KCNK10: variants seen among roughly 807,000 people sequenced by gnomAD.
KCNK10 encodes potassium channel subfamily K member 10.
KCNK10 carries 25 observed loss-of-function variants against 47.7 expected under a neutral mutation model. That is an observed-to-expected ratio of 0.52 (90% confidence interval 0.38 to 0.73). KCNK10 has a LOEUF of 0.73. Ranked by LOEUF, KCNK10 falls within the 30% of genes least tolerant of loss-of-function variation. KCNK10 has a pLI of 0.00. For missense variants in KCNK10, 563 were observed against 714.5 expected, an observed-to-expected ratio of 0.79 and a Z score of 2.42; for synonymous variants, 303 against 285.6, an observed-to-expected ratio of 1.06 and a Z score of -0.61.
At chr14:88,205,194 C>T (rs1043120337) in intron 4 of KCNK10, among the ~76,000 whole-genome samples, 6 of 152,166 alleles carry the variant, frequency 3.9e-5, no homozygotes, top group Admixed American at 3.9e-4. Context: ...ATTTAGCATT[C>T]CTCTACATCT....
At chr14:88,299,607 C>G (rs1184882707) in intron 1 of KCNK10, among the ~76,000 whole-genome samples, 1 of 152,116 alleles carries the variant, frequency 6.6e-6, no homozygotes, top group East Asian at 1.9e-4. Context: ...TTAGGTAACA[C>G]ACATATGCAA....
At chr14:88,326,085 C>G (rs1420467598), upstream of KCNK10, among the ~76,000 whole-genome samples, 1 of 148,574 alleles carries the variant, frequency 6.7e-6, no homozygotes, top group Non-Finnish European at 1.5e-5. Context: ...TGGATGCCGC[C>G]CCCTCCTTTC....
rs950954860 is a variant in KCNK10, at chr14:88,181,635, C to T, written c.*3900G>A. 4 of 152,392 alleles carry T rather than the reference C, an allele frequency of 2.6e-5. No individual in the cohort carries two copies. The highest frequency in any genetic ancestry group is 6.5e-5 in the Admixed American group (1 of 15,294). 9.4% of individuals were successfully genotyped at this position (152,392 alleles called of 1,614,324 possible). On this transcript the variant is annotated 3_prime_UTR_variant, in exon 7 of 7. Coordinates refer to ENST00000319231, the MANE Select transcript of KCNK10 (RefSeq NM_138317.3). ...TAAGGGAGGATAGAGAGAGCCTACACAGGGCATGATCCGAATTTGGACACC... is the reference window on the plus strand; with the variant it reads ...TAAGGGAGGATAGAGAGAGCCTACATAGGGCATGATCCGAATTTGGACACC...
chr14:88,323,927 G>A (rs548497133), upstream of KCNK10, among the ~76,000 whole-genome samples: 1 of 152,304 alleles, frequency 6.6e-6, no homozygotes, highest in East Asian at 1.9e-4. Context: ...GGAGGCCCGT[G>A]CCAGCCATGA....
intron 2 of KCNK10, 54 bp downstream of exon 2, chr14:88,263,148 A>C: frequency 7.0e-7 from 1 of 1,435,150 alleles, no homozygotes; most frequent in Non-Finnish European, 9.6e-7. Flanking sequence ...AGATAAAACC[A>C]ACACTGCCAT....
At chr14:88,222,187 G>A (rs563673628) in intron 4 of KCNK10, among the ~76,000 whole-genome samples, 18 of 152,252 alleles carry the variant, frequency 1.2e-4, no homozygotes, top group Admixed American at 5.9e-4. Context: ...ATCAAATCTC[G>A]TGAGGCTTAT....
chr14:88,193,804 G>A lies in KCNK10; in HGVS notation c.682-1394C>T, dbSNP rs574272431. Among the ~76,000 whole-genome samples the A allele has an allele frequency of 6.6e-5, 10 of 152,266 alleles. No homozygotes were observed. The East Asian group carries it at 7.7e-4, about 12-fold the overall frequency. ...AATTCTCAGTCCAGTGCTTAACAAC[G>A]GAAACAGCTTTTCAAGTAATTCAAC... On this transcript the variant is annotated intron_variant, in intron 4 of 6. Transcript: ENST00000319231.
intron 1 of KCNK10, among the ~76,000 whole-genome samples, chr14:88,293,228 C>A (rs1887916453): frequency 6.6e-6 from 1 of 152,130 alleles, no homozygotes. Context: ...ATAGCCACCC[C>A]TTCTCATTAT....
chr14:88,243,888 T>G (rs374651556), intron 2 of KCNK10, among the ~76,000 whole-genome samples: 1 of 151,288 alleles, frequency 6.6e-6, no homozygotes, highest in Non-Finnish European at 1.5e-5. Context: ...GGGTTCTATC[T>G]GTGACGTCAA....
At chr14:88,208,612 T>C (rs1370185818) in intron 4 of KCNK10, among the ~76,000 whole-genome samples, 1 of 152,244 alleles carries the variant, frequency 6.6e-6, no homozygotes, top group Admixed American at 6.5e-5. Flanking sequence ...TTTTAAATGT[T>C]GATACTTGCT....
rs1884485692 is a variant in KCNK10, at chr14:88,184,810, C to T, written c.*725G>A. Reference sequence around the variant, plus strand: ...ACCACTGCTCGCCAGTTCATGTGGACTACCTACCCCTGTGAGAAAGACCAA... The same window carrying T: ...ACCACTGCTCGCCAGTTCATGTGGATTACCTACCCCTGTGAGAAAGACCAA... On this transcript the variant is annotated 3_prime_UTR_variant, in exon 7 of 7. Coordinates refer to ENST00000319231, the MANE Select transcript of KCNK10 (RefSeq NM_138317.3). 1 of 152,358 alleles carries T rather than the reference C, an allele frequency of 6.6e-6. No homozygotes were observed. Among genetic ancestry groups the T allele is most frequent in the Admixed American group, 6.5e-5 (1 of 15,284 alleles). The allele number at this position is 152,358 out of a possible 1,614,324, so 9.4% of individuals were successfully genotyped here.
intron 4 of KCNK10, among the ~76,000 whole-genome samples, chr14:88,221,270 C>A (rs571827027): frequency 5.8e-4 from 87 of 149,408 alleles, no homozygotes; most frequent in African/African-American, 2.1e-3. Context: ...CCACTGCACT[C>A]CAGCCTGGGT....
chr14:88,318,633 G>A (rs143864090), intron 1 of KCNK10, among the ~76,000 whole-genome samples: 1 of 152,294 alleles, frequency 6.6e-6, no homozygotes, highest in East Asian at 1.9e-4. Context: ...AAGCGCAAAG[G>A]CCCTCAGACA....
chr14:88,283,457 T>A (rs1887695835), intron 1 of KCNK10, among the ~76,000 whole-genome samples: 1 of 152,204 alleles, frequency 6.6e-6, no homozygotes, highest in Non-Finnish European at 1.5e-5. Flanking sequence ...GAAGTTAGAA[T>A]AATGATACCG....
upstream of KCNK10, chr14:88,326,532 G>A: frequency 8.7e-7 from 1 of 1,151,764 alleles, no homozygotes; most frequent in East Asian, 2.4e-5. Flanking sequence ...CTTCAGGCGG[G>A]TTAAGTCTGG....
chr14:88,308,568 G>A (rs74069543), intron 1 of KCNK10, among the ~76,000 whole-genome samples: 17 of 152,334 alleles, frequency 1.1e-4, no homozygotes, highest in Middle Eastern at 3.4e-3. Context: ...GTGTGTGCAC[G>A]CGTGCACACG....
At chr14:88,294,508 C>G (rs932684951) in intron 1 of KCNK10, among the ~76,000 whole-genome samples, 3 of 152,226 alleles carry the variant, frequency 2.0e-5, no homozygotes, top group African/African-American at 7.2e-5. Context: ...CAACAATTCT[C>G]TTTTGGGCTG....
intron 3 of KCNK10, among the ~76,000 whole-genome samples, chr14:88,237,608 C>G (rs1886333904): frequency 6.6e-6 from 1 of 152,176 alleles, no homozygotes; most frequent in South Asian, 2.1e-4. Flanking sequence ...TATTAGCAAG[C>G]ATGAAAACAA....
intron 2 of KCNK10, among the ~76,000 whole-genome samples, chr14:88,257,047 G>A (rs1886977019): frequency 6.6e-6 from 1 of 152,192 alleles, no homozygotes; most frequent in South Asian, 2.1e-4. Flanking sequence ...GGGATATGCA[G>A]CACATAGCAG....
Sources: gnomAD v4.1 joint callset for allele counts (sites outside exome capture counted in the v4.1 genomes callset) on GRCh38, gnomAD v4.1.1 for gene constraint, MANE v1.5 for transcripts, NCBI Gene and HGNC (gene_info 2026-07-23, HGNC 2026-07-21) for gene names.